Variants in MYOM1 observed in about 807,000 individuals in gnomAD.
MYOM1 encodes myomesin-1.
MYOM1 carries 164 observed loss-of-function variants against 205.3 expected under a neutral mutation model. The observed-to-expected ratio is 0.80, with a 90% CI of 0.70 to 0.91. The LOEUF (loss-of-function observed/expected upper bound fraction) is 0.91, where lower values mean the gene tolerates loss of function less well. MYOM1 is among the 40% of genes least tolerant of loss of function. MYOM1 has a pLI of 0.00. For missense variants in MYOM1, 2,011 were observed against 2,127.3 expected, an observed-to-expected ratio of 0.95 and a Z score of 1.08; for synonymous variants, 772 against 789.4, an observed-to-expected ratio of 0.98 and a Z score of 0.37.
intron 5 of MYOM1, among the ~76,000 whole-genome samples, chr18:3,180,538 T>C (rs756797242): frequency 3.3e-5 from 5 of 152,226 alleles, no homozygotes; most frequent in Non-Finnish European, 5.9e-5. Context: ...GTTCTGTATA[T>C]ACTTCACAGC....
the MYOM1 span, among the ~76,000 whole-genome samples, chr18:3,238,576 G>C: frequency 3.3e-5 from 5 of 152,176 alleles, no homozygotes; most frequent in African/African-American, 1.2e-4. Context: ...AACAGCTGAA[G>C]CGAGTTTTTG....
At chr18:3,222,068 T>C (rs2081334871), upstream of MYOM1, among the ~76,000 whole-genome samples, 1 of 152,232 alleles carries the variant, frequency 6.6e-6, no homozygotes, top group Non-Finnish European at 1.5e-5. Context: ...TGTTTTACAT[T>C]AGATGATTTT....
chr18:3,102,027 A>G, intron 23 of MYOM1, among the ~76,000 whole-genome samples: 1 of 110,218 alleles, frequency 9.1e-6, no homozygotes, highest in Non-Finnish European at 1.7e-5. Context: ...TTTGAGACAG[A>G]GTCTGGCTCT....
At chr18:3,083,666 G>A (rs570489804) in intron 33 of MYOM1, 123 bp downstream of exon 33, 4 of 575,100 alleles carry the variant, frequency 7.0e-6, no homozygotes, top group South Asian at 2.0e-5. Flanking sequence ...GGCTGGTCTC[G>A]AACTCCTGAC....
chr18:3,246,631 G>A, the MYOM1 span: 17 of 152,302 alleles, frequency 1.1e-4, no homozygotes, highest in Admixed American at 9.8e-4. Flanking sequence ...ATACTTAGAA[G>A]ATACTATTCC....
rs148586777 is a variant in MYOM1 at position 3,177,345 on chromosome 18, G to A, written c.930-1211C>T. 8.4e-4 allele frequency among the ~76,000 whole-genome samples: 127 copies of A among 152,084 alleles called. 1 individual carries two copies. Among genetic ancestry groups the A allele is most frequent in the African/African-American group, 2.9e-3 (122 of 41,510 alleles). ...TTGACCACTATTGATGTAACAGAGAGGAAGGCTTTCTGTTGGGGGTTTTAT... is the reference window on the plus strand; with the variant it reads ...TTGACCACTATTGATGTAACAGAGAAGAAGGCTTTCTGTTGGGGGTTTTAT... On this transcript the variant is annotated intron_variant, in intron 5 of 37. Coordinates refer to ENST00000356443, the MANE Select transcript of MYOM1 (RefSeq NM_003803.4).
intron 10 of MYOM1, among the ~76,000 whole-genome samples, chr18:3,158,684 GT>G (rs1159904570): frequency 3.9e-5 from 6 of 152,092 alleles, no homozygotes; most frequent in Admixed American, 1.3e-4. Context: ...GGCAATCATA[GT>G]TCCCGGTGGC....
chr18:3,140,539 G>A (rs910730556), intron 14 of MYOM1, among the ~76,000 whole-genome samples: 11 of 152,206 alleles, frequency 7.2e-5, no homozygotes, highest in Non-Finnish European at 2.9e-5. Context: ...GCATGTAGAG[G>A]AGATAAGGCA....
In MYOM1 at chr18:3,067,505, C is replaced by T. The variant is rs763565843; in HGVS notation, c.4815G>A (p.Ser1605=). 59 of 1,613,742 alleles carry T rather than the reference C, an allele frequency of 3.7e-5. No individual in the cohort carries two copies. The Admixed American group carries it at 3.8e-4, about 10-fold the overall frequency. ...NVWGDPPPEV[S]WLKNEKALAS... ...CCAGGGCCTTCTCGTTCTTCAACCA[C>T]GACACCTCCGGAGGCGGGTCTCCCC... The change falls in exon 38 of 38, where the codon TCG becomes TCA. Residue 1605 remains serine, a synonymous_variant. Coordinates refer to ENST00000356443, the MANE Select transcript of MYOM1 (RefSeq NM_003803.4).
intron 8 of MYOM1, among the ~76,000 whole-genome samples, chr18:3,173,573 C>CGTGTGTGTGTGTGTGTGTGT (rs71159051): frequency 2.9e-5 from 4 of 136,914 alleles, no homozygotes; most frequent in African/African-American, 1.1e-4. Context: ...AGTCCAGACT[C>CGTGTGTGTGTGTGTGTGTGT]GTGTGTGTGT....
chr18:3,182,784 A>C (rs1434741968), intron 5 of MYOM1, among the ~76,000 whole-genome samples: 2 of 152,056 alleles, frequency 1.3e-5, no homozygotes. Context: ...TACCCTATTA[A>C]ATTTTAAAAC....
At position 3,173,824 on chromosome 18, in the gene MYOM1, A is replaced by G. The variant is rs930716760; in HGVS notation, c.1174+114T>C. ...TAACCACAGGTACCTACTACATCCA[A>G]CCTAGCATATACTATGTTATATATA... On this transcript the variant is annotated intron_variant, in intron 8 of 37. Coordinates refer to ENST00000356443, the MANE Select transcript of MYOM1 (RefSeq NM_003803.4). The G allele has an allele frequency of 5.9e-5, 57 of 968,266 alleles. No homozygotes were observed. In the East Asian group the frequency reaches 9.9e-4, roughly 17 times the overall value. 60.0% of individuals were successfully genotyped at this position (968,266 alleles called of 1,614,324 possible).
In MYOM1 at chr18:3,219,619, C is replaced by A. The variant is rs2081308416; in HGVS notation, c.-29+184G>T. Among the ~76,000 whole-genome samples, 1 of 152,216 alleles carries A rather than the reference C, an allele frequency of 6.6e-6. No homozygotes were observed. ...TGATGTGAGAGAAGAGCTGTGCCAGCCCGACTGGCACCCGGCTGTTCTGGT... is the reference window on the plus strand; with the variant it reads ...TGATGTGAGAGAAGAGCTGTGCCAGACCGACTGGCACCCGGCTGTTCTGGT... On this transcript the variant is annotated intron_variant, in intron 1 of 37. Transcript: ENST00000356443. This position sits in a 1 kb window ranked among gnomAD's most constrained non-coding sequence, Gnocchi z 4.4.
At chr18:3,075,562 G>T in intron 35 of MYOM1, 86 bp from the exon 36 acceptor site, 3 of 1,478,044 alleles carry the variant, frequency 2.0e-6, no homozygotes, top group South Asian at 2.3e-5. Context: ...CATTTTCCTT[G>T]CCTCAGAGAC....
chr18:3,174,140 T>C lies in MYOM1; in HGVS notation c.1091A>G (p.Tyr364Cys). 1 of 1,614,052 alleles carries C rather than the reference T, an allele frequency of 6.2e-7. No homozygotes were observed. The highest frequency in any genetic ancestry group is 8.5e-7 in the Non-Finnish European group (1 of 1,179,890). Residue 364 changes from tyrosine to cysteine, a missense_variant, in exon 7 of 38, where the codon TAT becomes TGT. Coordinates refer to ENST00000356443, the MANE Select transcript of MYOM1 (RefSeq NM_003803.4). ...AMNVKGELSA[Y>C]ASVVVKRYKG... ...CCTACTTTTTACCACAACTGAAGCA[T>C]ATGCCGAAAGCTCTCCTTTAACATT...
chr18:3,098,360 C>T (rs547102075), intron 25 of MYOM1, among the ~76,000 whole-genome samples: 40 of 152,226 alleles, frequency 2.6e-4, no homozygotes, highest in Non-Finnish European at 5.0e-4. Flanking sequence ...TCACTGCAAC[C>T]TTCGCCTCCC....
chr18:3,207,017 T>C (rs1263064165), intron 2 of MYOM1, among the ~76,000 whole-genome samples: 1 of 152,120 alleles, frequency 6.6e-6, no homozygotes, highest in Admixed American at 6.5e-5. Context: ...AAAAAAACTA[T>C]TTAAATAGGA....
intron 5 of MYOM1, among the ~76,000 whole-genome samples, chr18:3,178,898 C>T (rs1003295706): frequency 9.9e-5 from 15 of 151,458 alleles, no homozygotes; most frequent in African/African-American, 3.2e-4. Context: ...GACAGTGTCT[C>T]GCTCTGTCTC....
intron 22 of MYOM1, among the ~76,000 whole-genome samples, chr18:3,104,631 C>T (rs2079426346): frequency 6.6e-6 from 1 of 152,042 alleles, no homozygotes; most frequent in African/African-American, 2.4e-5. Context: ...AACACCTCAC[C>T]CATTTGGAAA....
Sources: gnomAD v4.1 joint callset for allele counts (sites outside exome capture counted in the v4.1 genomes callset) on GRCh38, gnomAD v4.1.1 for gene constraint, Gnocchi (gnomAD v3.1) non-coding constraint, MANE v1.5 for transcripts, NCBI Gene and HGNC (gene_info 2026-07-23, HGNC 2026-07-21) for gene names.